Variants in FOXP1 observed in about 807,000 individuals in gnomAD.
FOXP1 encodes the protein forkhead box protein P1.
Under a neutral mutation model 98.2 loss-of-function variants are expected in FOXP1, and 15 were observed. The ratio of observed to expected loss-of-function variants is 0.15; its 90% confidence interval spans 0.10 to 0.24. FOXP1 has a LOEUF of 0.24. Ranked by LOEUF, FOXP1 falls within the 10% of genes least tolerant of loss-of-function variation. The probability of loss-of-function intolerance (pLI) is 1.00; values close to 1 mark genes in which losing one functional copy is unlikely to be tolerated. For missense variants in FOXP1, 633 were observed against 848.5 expected (o/e 0.75, Z 3.15); for synonymous variants, 371 against 314.5 (o/e 1.18, Z -1.90).
intron 7 of FOXP1, among the ~76,000 whole-genome samples, chr3:71,093,286 A>T (rs201050984): frequency 6.9e-6 from 1 of 145,678 alleles, no homozygotes; most frequent in South Asian, 2.3e-4. Flanking sequence ...AAAAAAAAAA[A>T]TTAAAAAAAG....
At chr3:71,348,587 C>G in intron 4 of FOXP1, among the ~76,000 whole-genome samples, 1 of 150,514 alleles carries the variant, frequency 6.6e-6, no homozygotes, top group Non-Finnish European at 1.5e-5. Flanking sequence ...GTGTATAAGT[C>G]ACACATGCAG....
chr3:71,218,056 A>G (rs1472664877), intron 5 of FOXP1, among the ~76,000 whole-genome samples: 1 of 152,144 alleles, frequency 6.6e-6, no homozygotes, highest in African/African-American at 2.4e-5. Context: ...TGTCCCTATC[A>G]TATTACTAAT....
chr3:71,176,531 C>CA (rs2061946049), intron 6 of FOXP1, among the ~76,000 whole-genome samples: 1 of 152,038 alleles, frequency 6.6e-6, no homozygotes, highest in African/African-American at 2.4e-5. Context: ...TAGCATGCTG[C>CA]AAACGTCACC....
intron 4 of FOXP1, among the ~76,000 whole-genome samples, chr3:71,350,172 A>G (rs772715557): frequency 2.6e-5 from 4 of 152,200 alleles, no homozygotes; most frequent in Non-Finnish European, 5.9e-5. Context: ...GTGACCTAAA[A>G]GACATATGCA....
At chr3:71,421,773 A>G in intron 3 of FOXP1, among the ~76,000 whole-genome samples, 1 of 152,296 alleles carries the variant, frequency 6.6e-6, no homozygotes. Context: ...ACCTTCTCTC[A>G]GAATGGCTGA....
chr3:71,015,714 A>T, intron 11 of FOXP1, 61 bp from the exon 12 acceptor site: 1 of 1,231,778 alleles, frequency 8.1e-7, no homozygotes, highest in Non-Finnish European at 1.2e-6. Context: ...ATTCCACCAG[A>T]CGAGGATAAA....
At chr3:71,365,862 A>G (rs2078891136) in intron 3 of FOXP1, among the ~76,000 whole-genome samples, 1 of 152,200 alleles carries the variant, frequency 6.6e-6, no homozygotes, top group South Asian at 2.1e-4. Context: ...GTGTGCCTCT[A>G]GTCCCAGCTA....
intron 11 of FOXP1, among the ~76,000 whole-genome samples, chr3:71,028,936 C>G (rs1376236683): frequency 6.6e-6 from 1 of 152,152 alleles, no homozygotes; most frequent in Non-Finnish European, 1.5e-5. Flanking sequence ...TCTAATGCCT[C>G]GCTGATCTGA....
At chr3:71,165,942 A>G (rs1331003202) in intron 6 of FOXP1, among the ~76,000 whole-genome samples, 4 of 152,224 alleles carry the variant, frequency 2.6e-5, no homozygotes, top group African/African-American at 9.6e-5. Flanking sequence ...ACTGAACTCA[A>G]TCTTTCACTT....
chr3:71,115,672 A>G (rs2107776079), intron 6 of FOXP1, among the ~76,000 whole-genome samples: 1 of 151,618 alleles, frequency 6.6e-6, no homozygotes, highest in South Asian at 2.1e-4. Context: ...GAGCAGCTAT[A>G]GTCAACTCCT....
intron 5 of FOXP1, among the ~76,000 whole-genome samples, chr3:71,257,745 A>G (rs1294050768): frequency 6.6e-6 from 1 of 152,318 alleles, no homozygotes; most frequent in East Asian, 1.9e-4. Context: ...GCAAATCATT[A>G]TAATGTATTT....
chr3:71,193,308 C>T (rs1237815244), intron 6 of FOXP1, among the ~76,000 whole-genome samples: 3 of 126,188 alleles, frequency 2.4e-5, no homozygotes, highest in African/African-American at 3.7e-5. Flanking sequence ...CCACCACACC[C>T]GGCTAATTTT....
At position 71,341,126 on chromosome 3, in the gene FOXP1, C is replaced by T. The variant is rs576857874; in HGVS notation, c.-73+18024G>A. Reference sequence around the variant, plus strand: ...CTAGGAACCAACCAGGCCTAGGAACCAACCAACCAGACATCCATCCATAGC... The same window carrying T: ...CTAGGAACCAACCAGGCCTAGGAACTAACCAACCAGACATCCATCCATAGC... On this transcript the variant is annotated intron_variant, in intron 4 of 20. Coordinates refer to ENST00000649528, the MANE Select transcript of FOXP1 (RefSeq NM_001349338.3). Among the ~76,000 whole-genome samples the T allele has an allele frequency of 3.3e-5, 5 of 151,884 alleles. No homozygotes were observed. The South Asian group carries it at 8.3e-4, about 25-fold the overall frequency.
intron 7 of FOXP1, among the ~76,000 whole-genome samples, chr3:71,108,835 TAC>T (rs2057667930): frequency 6.6e-6 from 1 of 152,208 alleles, no homozygotes; most frequent in Non-Finnish European, 1.5e-5. Context: ...TTAATTTGTT[TAC>T]AACTCATAAG....
At chr3:71,516,555 T>C (rs1316065881) in intron 2 of FOXP1, among the ~76,000 whole-genome samples, 1 of 152,160 alleles carries the variant, frequency 6.6e-6, no homozygotes, top group African/African-American at 2.4e-5. Flanking sequence ...TAAGACTCAT[T>C]CTGCTGTAGG....
At chr3:71,131,217 T>C (rs931516191) in intron 6 of FOXP1, among the ~76,000 whole-genome samples, 1 of 152,092 alleles carries the variant, frequency 6.6e-6, no homozygotes, top group Non-Finnish European at 1.5e-5. Flanking sequence ...CCAAACTACC[T>C]GTTTATCTCC....
intron 6 of FOXP1, among the ~76,000 whole-genome samples, chr3:71,148,466 C>A (rs2060424041): frequency 6.6e-6 from 1 of 152,080 alleles, no homozygotes; most frequent in Admixed American, 6.6e-5. Context: ...TTAAAGAAAA[C>A]TTGCATTTGT....
chr3:71,195,092 G>C (rs1261446034), intron 6 of FOXP1, among the ~76,000 whole-genome samples: 1 of 152,192 alleles, frequency 6.6e-6, no homozygotes, highest in Non-Finnish European at 1.5e-5. Flanking sequence ...TGTTGCCGTT[G>C]TGGGACTATC....
chr3:71,090,346 G>A (rs768171408), intron 7 of FOXP1, among the ~76,000 whole-genome samples: 8 of 152,228 alleles, frequency 5.3e-5, no homozygotes, highest in South Asian at 2.1e-4. Flanking sequence ...CATTTGCCCC[G>A]TTTTTCATAA....
Sources: allele counts gnomAD v4.1 joint callset (sites outside exome capture counted in the v4.1 genomes callset), GRCh38; gene constraint gnomAD v4.1.1; transcripts MANE v1.5; gene names NCBI Gene and HGNC (gene_info 2026-07-23, HGNC 2026-07-21).